The following YTHDF3 variants were observed in gnomAD, a reference collection of about 807,000 sequenced individuals.
The protein encoded by YTHDF3 is YTH N6-methyladenosine RNA binding protein F3, also known as YTH domain-containing family protein 3.
A neutral mutation model predicts 52.5 loss-of-function variants in YTHDF3; 9 were observed. The observed-to-expected ratio is 0.17, with a 90% CI of 0.10 to 0.30. The LOEUF (loss-of-function observed/expected upper bound fraction) is 0.30, where lower values mean the gene tolerates loss of function less well. YTHDF3 is among the 10% of genes least tolerant of loss of function. The probability of loss-of-function intolerance (pLI) is 1.00; values close to 1 mark genes in which losing one functional copy is unlikely to be tolerated. For synonymous variants in YTHDF3, 274 were observed against 243.3 expected, an observed-to-expected ratio of 1.13 and a Z score of -1.18; for missense variants, 534 against 715.0, an observed-to-expected ratio of 0.75 and a Z score of 2.89.
chr8:63,182,441 C>T (rs1204108077), intron 3 of YTHDF3, among the ~76,000 whole-genome samples: 1 of 151,862 alleles, frequency 6.6e-6, no homozygotes, highest in East Asian at 1.9e-4. Context: ...CTGAATGTGG[C>T]TTGATTTACT....
At chr8:63,171,497 G>T (rs1254249537) in intron 2 of YTHDF3, among the ~76,000 whole-genome samples, 7 of 152,100 alleles carry the variant, frequency 4.6e-5, no homozygotes, top group Non-Finnish European at 1.0e-4. Flanking sequence ...AATTATTTAA[G>T]TTTCTTAAAA....
At chr8:63,182,175 C>CCT (rs1179167869) in intron 3 of YTHDF3, among the ~76,000 whole-genome samples, 1 of 150,792 alleles carries the variant, frequency 6.6e-6, no homozygotes, top group Non-Finnish European at 1.5e-5. Flanking sequence ...CCCAAGCGAT[C>CCT]CTCCCACCTC....
intron 4 of YTHDF3, among the ~76,000 whole-genome samples, chr8:63,191,029 T>C (rs1422405057): frequency 1.3e-5 from 2 of 152,212 alleles, no homozygotes; most frequent in Non-Finnish European, 2.9e-5. Context: ...TAGAATTCTT[T>C]CTAGTCAACA....
At chr8:63,190,942 CTTA>C (rs1384452430) in intron 4 of YTHDF3, among the ~76,000 whole-genome samples, 2 of 152,128 alleles carry the variant, frequency 1.3e-5, no homozygotes, top group Admixed American at 6.5e-5. Context: ...CCTTGTTTAA[CTTA>C]TTATTTATTA....
At position 63,211,029 on chromosome 8, in the gene YTHDF3, A is replaced by G. The variant is rs1810343610; in HGVS notation, c.*1323A>G. ...AGATACATTAAGGGTGAAAATAGCA[A>G]TACAGTAGATTTGAATACCTTGATG... is the stretch of plus-strand genomic sequence containing the variant. On this transcript the variant is annotated 3_prime_UTR_variant, in exon 5 of 5. Coordinates refer to ENST00000539294, the MANE Select transcript of YTHDF3 (RefSeq NM_152758.6). 6.6e-6 allele frequency: 1 copy of G among 152,580 alleles called. No homozygotes were observed. Among genetic ancestry groups the G allele is most frequent in the African/African-American group, 2.4e-5 (1 of 41,454 alleles). The allele number at this position is 152,580 out of a possible 1,614,324, so 9.5% of individuals were successfully genotyped here.
intron 4 of YTHDF3, among the ~76,000 whole-genome samples, chr8:63,204,621 C>G (rs1053487725): frequency 6.6e-6 from 1 of 152,182 alleles, no homozygotes; most frequent in African/African-American, 2.4e-5. Context: ...CTTGGCCTCC[C>G]AAAGTGTTGG....
At chr8:63,191,078 A>G (rs1228874837) in intron 4 of YTHDF3, among the ~76,000 whole-genome samples, 1 of 152,206 alleles carries the variant, frequency 6.6e-6, no homozygotes, top group Non-Finnish European at 1.5e-5. Context: ...GCCTTGCTTT[A>G]CAGTTATGTG....
At chr8:63,169,307 T>C in intron 1 of YTHDF3, 80 bp from the exon 2 acceptor site, 2 of 1,519,258 alleles carry the variant, frequency 1.3e-6, no homozygotes, top group East Asian at 2.4e-5. Context: ...TAACTTGTCT[T>C]TGATAATGCC....
chr8:63,185,833 A>G (rs1007362770), intron 3 of YTHDF3, among the ~76,000 whole-genome samples: 67 of 152,330 alleles, frequency 4.4e-4, no homozygotes, highest in African/African-American at 1.5e-3. Flanking sequence ...AGCCTTTTGT[A>G]GAAATTATGA....
chr8:63,180,492 G>C (rs1808049911), intron 3 of YTHDF3, among the ~76,000 whole-genome samples: 1 of 149,276 alleles, frequency 6.7e-6, no homozygotes, highest in Non-Finnish European at 1.5e-5. Flanking sequence ...TTTCCAGACT[G>C]GGCAGCCAGG....
chr8:63,207,167 C>G (rs972835603), intron 4 of YTHDF3, among the ~76,000 whole-genome samples: 3 of 152,110 alleles, frequency 2.0e-5, no homozygotes, highest in Admixed American at 6.6e-5. Flanking sequence ...TTTTCAAAAA[C>G]TGTTATGTAG....
intron 4 of YTHDF3, among the ~76,000 whole-genome samples, chr8:63,208,970 C>T (rs373656532): frequency 6.6e-5 from 10 of 152,094 alleles, no homozygotes; most frequent in East Asian, 1.9e-4. Flanking sequence ...TGGGTTCAAG[C>T]GATTTTCCTG....
chr8:63,188,701 A>ATATATATATATATAT (rs1355614739), intron 4 of YTHDF3: 34 of 61,422 alleles, frequency 5.5e-4, no homozygotes, highest in African/African-American at 1.4e-3. Flanking sequence ...ATATATATAT[A>ATATATATATATATAT]TTTTTTTTTT....
intron 4 of YTHDF3, among the ~76,000 whole-genome samples, chr8:63,208,556 C>T (rs1044809163): frequency 6.6e-6 from 1 of 152,180 alleles, no homozygotes; most frequent in Admixed American, 6.5e-5. Flanking sequence ...CACGTCAGAC[C>T]TCTGGGGCCC....
intron 4 of YTHDF3, among the ~76,000 whole-genome samples, chr8:63,201,002 C>T (rs1809603249): frequency 6.6e-6 from 1 of 152,144 alleles, no homozygotes; most frequent in Non-Finnish European, 1.5e-5. Flanking sequence ...TGTTATTCAG[C>T]AGGCATTTTT....
At chr8:63,171,463 T>C (rs1209323783) in intron 2 of YTHDF3, among the ~76,000 whole-genome samples, 1 of 152,122 alleles carries the variant, frequency 6.6e-6, no homozygotes, top group Non-Finnish European at 1.5e-5. Context: ...AGGGGAAAAA[T>C]GCTACTGGCC....
At chr8:63,169,025 T>C in intron 1 of YTHDF3, 124 bp downstream of exon 1, 1 of 1,463,570 alleles carries the variant, frequency 6.8e-7, no homozygotes. Context: ...CGGGCGCAAG[T>C]TGCTGCGGTG....
chr8:63,191,179 A>G (rs1327963579), intron 4 of YTHDF3, among the ~76,000 whole-genome samples: 3 of 152,252 alleles, frequency 2.0e-5, no homozygotes, highest in African/African-American at 7.2e-5. Context: ...ATTTTTCTTT[A>G]TTTTTACATT....
At position 63,168,700 on chromosome 8, in the gene YTHDF3, G is replaced by T. The variant is rs1032479218; in HGVS notation, c.-178G>T. The T allele has an allele frequency of 8.2e-6, 10 of 1,218,904 alleles. No homozygotes were observed. In the African/African-American group the frequency reaches 1.1e-4, roughly 13 times the overall value. The allele number at this position is 1,218,904 out of a possible 1,614,324, so 75.5% of individuals were successfully genotyped here. ...GGAAGAGGAGCGTGCAAGCGGAAAAGACGGGCCTCTTCCTCCGACTCCCGA... is the reference window on the plus strand; with the variant it reads ...GGAAGAGGAGCGTGCAAGCGGAAAATACGGGCCTCTTCCTCCGACTCCCGA... On this transcript the variant is annotated 5_prime_UTR_variant, in exon 1 of 5. Transcript: ENST00000539294.
Sources: allele counts gnomAD v4.1 joint callset (sites outside exome capture counted in the v4.1 genomes callset), GRCh38; gene constraint gnomAD v4.1.1; transcripts MANE v1.5; gene names NCBI Gene and HGNC (gene_info 2026-07-23, HGNC 2026-07-21).